The following MEP1B variants were observed in gnomAD, a reference collection of about 807,000 sequenced individuals.
MEP1B encodes N-benzoyl-L-tyrosyl-P-amino-benzoic acid hydrolase subunit beta.
Under a neutral mutation model 84.6 loss-of-function variants are expected in MEP1B, and 80 were observed. That is an observed-to-expected ratio of 0.95 (90% CI 0.79 to 1.14). MEP1B has a LOEUF of 1.14. Ranked by LOEUF, MEP1B falls within the 50% of genes most tolerant of loss-of-function variation. The pLI is 0.00. For missense variants in MEP1B, 766 were observed against 855.1 expected, an observed-to-expected ratio of 0.90 and a Z score of 1.30; for synonymous variants, 273 against 288.1, an observed-to-expected ratio of 0.95 and a Z score of 0.53.
intron 5 of MEP1B, among the ~76,000 whole-genome samples, chr18:32,199,130 T>G (rs1443256725): frequency 6.6e-6 from 1 of 152,136 alleles, no homozygotes; most frequent in Non-Finnish European, 1.5e-5. Flanking sequence ...GAATTTGAAA[T>G]GCATCAGAGT....
At chr18:32,204,775 C>T (rs2040947832) in intron 7 of MEP1B, among the ~76,000 whole-genome samples, 1 of 152,072 alleles carries the variant, frequency 6.6e-6, no homozygotes, top group African/African-American at 2.4e-5. Context: ...AAGGGGTGGG[C>T]ATTTGATGAG....
At chr18:32,200,505 C>T (rs1004317218) in intron 5 of MEP1B, among the ~76,000 whole-genome samples, 4 of 151,718 alleles carry the variant, frequency 2.6e-5, no homozygotes, top group Non-Finnish European at 4.4e-5. Flanking sequence ...AGTATCCTTA[C>T]GTTTCAGAAA....
intron 10 of MEP1B, among the ~76,000 whole-genome samples, chr18:32,212,463 C>T (rs1433914874): frequency 1.3e-5 from 2 of 152,030 alleles, no homozygotes; most frequent in East Asian, 1.9e-4. Context: ...GAAAATCAGA[C>T]AGAATGGCAT....
chr18:32,210,679 T>C lies in MEP1B; in HGVS notation c.1098T>C (p.Asn366=), dbSNP rs920824315. Residue 366 remains asparagine (N), a synonymous_variant, in exon 10 of 15, where the codon AAT becomes AAC. Transcript: ENST00000269202. ...ATATCAGGGAGTATTCTGCAGACAA[T>C]GTGGATGGCAATTTAACCCTTGTGG... ...NIYIREYSAD[N]VDGNLTLVEE... The C allele has an allele frequency of 6.2e-7, 1 of 1,613,896 alleles. No individual in the cohort carries two copies. The highest frequency in any genetic ancestry group is 8.5e-7 in the Non-Finnish European group (1 of 1,179,836).
chr18:32,215,041 T>C, intron 11 of MEP1B, 41 bp from the exon 12 acceptor site: 1 of 1,419,878 alleles, frequency 7.0e-7, no homozygotes. Context: ...AAAGCTACGA[T>C]GATGATAAAC....
At chr18:32,195,371 T>C (rs1417761430) in intron 4 of MEP1B, 36 bp from the exon 5 acceptor site, 2 of 1,355,558 alleles carry the variant, frequency 1.5e-6, no homozygotes, top group East Asian at 2.3e-5. Context: ...TTTGCCTTAT[T>C]TGTTTAACTA....
In MEP1B at chr18:32,196,183, G is replaced by A; in HGVS notation, c.250+698G>A. ...GAGCTGGTGTCACTGCGCCACCTCG[G>A]CTTTCAGACTCTCCAAGTCTTTTTG... On this transcript the variant is annotated intron_variant, in intron 5 of 14. Coordinates refer to ENST00000269202, the MANE Select transcript of MEP1B (RefSeq NM_005925.3). The surrounding 1 kb of genome is among the most constrained non-coding windows in gnomAD (Gnocchi z 4.4). 1 of 648,736 alleles carries A rather than the reference G, an allele frequency of 1.5e-6. No individual in the cohort carries two copies. Among genetic ancestry groups the A allele is most frequent in the Non-Finnish European group, 2.9e-6 (1 of 344,806 alleles). The allele number at this position is 648,736 out of a possible 1,614,324, so 40.2% of individuals were successfully genotyped here.
At chr18:32,202,791 T>A in intron 5 of MEP1B, 102 bp from the exon 6 acceptor site, 1 of 675,094 alleles carries the variant, frequency 1.5e-6, no homozygotes, top group South Asian at 1.8e-5. Flanking sequence ...ATGAAGGGAC[T>A]AACTCATGAT....
chr18:32,200,346 A>T (rs1057436183), intron 5 of MEP1B, among the ~76,000 whole-genome samples: 3 of 152,018 alleles, frequency 2.0e-5, no homozygotes, highest in Non-Finnish European at 4.4e-5. Flanking sequence ...GCATTTTTTC[A>T]TATTGTATAG....
In MEP1B at chr18:32,204,225, C is replaced by A. The variant is rs755724161; in HGVS notation, c.412C>A (p.Leu138Ile). Residue 138 changes from leucine to isoleucine, a missense_variant, in exon 7 of 15, where the codon CTT becomes ATT. Transcript: ENST00000269202. ...VGNRRVGKQE[L>I]SIGANCDRIA... ...AAATAGGCGGGTTGGGAAGCAAGAACTTTCCATCGGGGCAAACTGTGACCG... is the reference window on the plus strand; with the variant it reads ...AAATAGGCGGGTTGGGAAGCAAGAAATTTCCATCGGGGCAAACTGTGACCG... The A allele has an allele frequency of 1.1e-5, 17 of 1,606,278 alleles. No individual in the cohort carries two copies. The highest frequency in any genetic ancestry group is 1.4e-5 in the Non-Finnish European group (17 of 1,176,594).
intron 2 of MEP1B, among the ~76,000 whole-genome samples, chr18:32,192,399 C>T (rs886882948): frequency 1.3e-5 from 2 of 151,976 alleles, no homozygotes; most frequent in African/African-American, 2.4e-5. Flanking sequence ...TTCTTATTCC[C>T]GAAGTCATTT....
intron 14 of MEP1B, among the ~76,000 whole-genome samples, chr18:32,218,253 G>A (rs1263516185): frequency 7.2e-5 from 11 of 152,094 alleles, no homozygotes; most frequent in Admixed American, 7.2e-4. Context: ...TGACCTGAAA[G>A]GCACAACTGA....
intron 5 of MEP1B, among the ~76,000 whole-genome samples, chr18:32,199,681 TTCC>T (rs1314184276): frequency 6.6e-6 from 1 of 150,876 alleles, no homozygotes; most frequent in Non-Finnish European, 1.5e-5. Context: ...CCTTCCTTCC[TTCC>T]TTCCTTCCTT....
At chr18:32,194,391 C>T (rs954446399) in intron 4 of MEP1B, among the ~76,000 whole-genome samples, 8 of 152,164 alleles carry the variant, frequency 5.3e-5, no homozygotes, top group African/African-American at 1.9e-4. Context: ...CACCTCCTGG[C>T]TTGAAACTCT....
intron 6 of MEP1B, among the ~76,000 whole-genome samples, chr18:32,203,363 C>T (rs772485667): frequency 1.3e-5 from 2 of 152,134 alleles, no homozygotes; most frequent in African/African-American, 2.4e-5. Context: ...TTTAACCTAA[C>T]CACTCTTATT....
In MEP1B at chr18:32,217,995, T is replaced by A. The variant is rs680321; in HGVS notation, c.2091+30T>A. 1.9e-6 allele frequency: 3 copies of A among 1,603,976 alleles called. No individual in the cohort carries two copies. In the African/African-American group the frequency reaches 4.0e-5, roughly 21 times the overall value. ...GTTGAGGCTGATGTTTGATTATTCA[T>A]AACCTATTGGTGAAATCTTATGGAG... On this transcript the variant is annotated intron_variant, in intron 14 of 14. Transcript: ENST00000269202.
chr18:32,198,698 G>A lies in MEP1B; in HGVS notation c.250+3213G>A, dbSNP rs55914230. 2.2e-3 allele frequency among the ~76,000 whole-genome samples: 332 copies of A among 152,240 alleles called. 5 individuals are homozygous for A. The highest frequency in any genetic ancestry group is 7.4e-3 in the African/African-American group (308 of 41,550). ...AATGGGGAAGGACTTGGGTCTTCCC[G>A]GTGTTAAAGAACTTGTCGTGTATAC... On this transcript the variant is annotated intron_variant, in intron 5 of 14. Coordinates refer to ENST00000269202, the MANE Select transcript of MEP1B (RefSeq NM_005925.3).
intron 5 of MEP1B, among the ~76,000 whole-genome samples, chr18:32,197,633 T>C (rs1012420655): frequency 1.3e-5 from 2 of 152,212 alleles, no homozygotes; most frequent in African/African-American, 2.4e-5. Context: ...TCGTACAGGC[T>C]GGTCTCGAAT....
Position 32,213,082 on chromosome 18 carries a change from CTTT to C in MEP1B, c.1136-33_1136-31del, listed in dbSNP as rs752339827. On this transcript the variant is annotated intron_variant, in intron 10 of 14. Coordinates refer to ENST00000269202, the MANE Select transcript of MEP1B (RefSeq NM_005925.3). ...GTTGACATGTACATGATTTGAACTTCTTTGTCTTTGAAATAATAATGACTCTTT... is the reference window on the plus strand; with the variant it reads ...GTTGACATGTACATGATTTGAACTTCGTCTTTGAAATAATAATGACTCTTT... 20 of 1,585,458 alleles carry C rather than the reference CTTT, an allele frequency of 1.3e-5. No individual in the cohort carries two copies. The East Asian group carries it at 3.8e-4, about 30-fold the overall frequency.
Sources: allele counts gnomAD v4.1 joint callset (sites outside exome capture counted in the v4.1 genomes callset), GRCh38; gene constraint gnomAD v4.1.1; non-coding constraint Gnocchi (gnomAD v3.1); transcripts MANE v1.5; gene names NCBI Gene and HGNC (gene_info 2026-07-23, HGNC 2026-07-21).